Variants in SUGCT observed in about 807,000 individuals in gnomAD.
SUGCT encodes succinyl-CoA:glutarate-CoA transferase.
SUGCT carries 41 observed loss-of-function variants against 55.0 expected under a neutral mutation model. That is an observed-to-expected ratio of 0.74 (90% CI 0.58 to 0.97). The LOEUF (loss-of-function observed/expected upper bound fraction) is 0.97, where lower values mean the gene tolerates loss of function less well. Ranked by LOEUF, SUGCT falls within the 50% of genes least tolerant of loss-of-function variation. The pLI, the probability that SUGCT is intolerant of heterozygous loss-of-function variation, is 0.00. For missense variants in SUGCT, 568 were observed against 547.8 expected (o/e 1.04, Z -0.37); for synonymous variants, 187 against 200.4 (o/e 0.93, Z 0.56).
chr7:40,188,758 T>TA lies in SUGCT; in HGVS notation c.312+179dup, dbSNP rs547306121. On this transcript the variant is annotated intron_variant, in intron 4 of 13. Transcript: ENST00000335693. ...ACTAAGTAGAAATAATGGAGCTTTTTACTACTCTTTCTTACCTACTAAGTA... is the reference window on the plus strand; with the variant it reads ...ACTAAGTAGAAATAATGGAGCTTTTTAACTACTCTTTCTTACCTACTAAGTA... 2.3e-3 allele frequency among the ~76,000 whole-genome samples: 356 copies of TA among 152,318 alleles called. 1 individual carries two copies. The highest frequency in any genetic ancestry group is 4.3e-3 in the Non-Finnish European group (295 of 68,026).
rs558672136 is a variant in SUGCT, at chr7:40,756,745, A to G, written c.1153+7248A>G. 2.0e-5 allele frequency among the ~76,000 whole-genome samples: 3 copies of G among 152,312 alleles called. 1 individual carries two copies. In the East Asian group the frequency reaches 5.8e-4, roughly 29 times the overall value. ...GAATTCTGTGTAAAACCAATGTGAA[A>G]ATGAAAGGTGAGATAAGTTATTTCT... is the stretch of plus-strand genomic sequence containing the variant. On this transcript the variant is annotated intron_variant, in intron 13 of 13. Coordinates refer to ENST00000335693, the MANE Select transcript of SUGCT (RefSeq NM_001193313.2).
At chr7:40,869,516 CT>C in the SUGCT span, among the ~76,000 whole-genome samples, 1 of 152,188 alleles carries the variant, frequency 6.6e-6, no homozygotes, top group South Asian at 2.1e-4. Context: ...GCCAAGCCAG[CT>C]TGATTTCAGT....
At chr7:40,734,529 G>C (rs1787059658) in intron 12 of SUGCT, among the ~76,000 whole-genome samples, 1 of 152,154 alleles carries the variant, frequency 6.6e-6, no homozygotes, top group South Asian at 2.1e-4. Context: ...TATTAGGCAA[G>C]TGTCAAGTAT....
chr7:40,568,677 C>T (rs963043734), intron 12 of SUGCT, among the ~76,000 whole-genome samples: 29 of 152,160 alleles, frequency 1.9e-4, no homozygotes, highest in Middle Eastern at 3.4e-3. Flanking sequence ...TGCTATGGCT[C>T]TTGGGAAACC....
At chr7:40,328,135 C>A (rs1796108955) in intron 9 of SUGCT, among the ~76,000 whole-genome samples, 1 of 152,152 alleles carries the variant, frequency 6.6e-6, no homozygotes, top group African/African-American at 2.4e-5. Flanking sequence ...TACATAATTT[C>A]CCCTTTAGGA....
the SUGCT span, chr7:40,966,212 G>T: frequency 6.6e-6 from 1 of 152,154 alleles, no homozygotes; most frequent in African/African-American, 2.4e-5. Flanking sequence ...AAAACTAAAT[G>T]GAACAACAGA....
At chr7:40,704,419 A>G (rs1254643924) in intron 12 of SUGCT, among the ~76,000 whole-genome samples, 1 of 152,152 alleles carries the variant, frequency 6.6e-6, no homozygotes, top group East Asian at 1.9e-4. Flanking sequence ...AATAAGACCC[A>G]TATTAGAAGG....
At chr7:40,175,972 C>G (rs1040026397) in intron 1 of SUGCT, among the ~76,000 whole-genome samples, 1 of 152,148 alleles carries the variant, frequency 6.6e-6, no homozygotes, top group Middle Eastern at 3.4e-3. Context: ...TGGCTCATGC[C>G]GGTAATGCCA....
chr7:40,989,681 G>GA, the SUGCT span, among the ~76,000 whole-genome samples: 1 of 152,048 alleles, frequency 6.6e-6, no homozygotes, highest in African/African-American at 2.4e-5. Flanking sequence ...TGAGGCAGAA[G>GA]AATCGCTGGA....
chr7:40,500,227 G>C (rs1792203551), intron 12 of SUGCT, among the ~76,000 whole-genome samples: 1 of 152,124 alleles, frequency 6.6e-6, no homozygotes. Context: ...CTGAGGGTAG[G>C]GAAGAGAGGG....
chr7:40,691,307 A>G (rs1250453088), intron 12 of SUGCT, among the ~76,000 whole-genome samples: 3 of 151,464 alleles, frequency 2.0e-5, no homozygotes, highest in Non-Finnish European at 4.4e-5. Flanking sequence ...TTTATGTGAG[A>G]AACTTTTTTT....
At chr7:40,619,548 A>G (rs1317077921) in intron 12 of SUGCT, among the ~76,000 whole-genome samples, 3 of 152,190 alleles carry the variant, frequency 2.0e-5, no homozygotes, top group Admixed American at 2.0e-4. Flanking sequence ...GTTTTTATAT[A>G]TTAATAATGC....
chr7:40,414,678 G>A (rs1786873089), intron 9 of SUGCT, among the ~76,000 whole-genome samples: 2 of 151,984 alleles, frequency 1.3e-5, no homozygotes, highest in South Asian at 2.1e-4. Flanking sequence ...AGGCCAGGGC[G>A]GGCAGACCAC....
chr7:40,823,618 G>A (rs1792144002), intron 13 of SUGCT, among the ~76,000 whole-genome samples: 1 of 151,998 alleles, frequency 6.6e-6, no homozygotes, highest in South Asian at 2.1e-4. Flanking sequence ...AAGCATTTGG[G>A]ATGTGCATTT....
the SUGCT span, among the ~76,000 whole-genome samples, chr7:41,036,565 T>C: frequency 1.2e-4 from 19 of 152,098 alleles, no homozygotes; most frequent in Non-Finnish European, 5.9e-5. Context: ...TCAGCCCCTC[T>C]CCCTCTTTTC....
At chr7:40,637,133 C>A (rs929985188) in intron 12 of SUGCT, among the ~76,000 whole-genome samples, 1 of 152,164 alleles carries the variant, frequency 6.6e-6, no homozygotes, top group Non-Finnish European at 1.5e-5. Flanking sequence ...TTGATGAACT[C>A]ATAATTTTGT....
intron 13 of SUGCT, among the ~76,000 whole-genome samples, chr7:40,807,093 A>C (rs2128754175): frequency 6.6e-6 from 1 of 152,368 alleles, no homozygotes; most frequent in Admixed American, 6.5e-5. Context: ...CAGTAGTGTT[A>C]GTAGTGGTAG....
chr7:40,624,033 A>G (rs1018910303), intron 12 of SUGCT, among the ~76,000 whole-genome samples: 1 of 152,212 alleles, frequency 6.6e-6, no homozygotes, highest in Non-Finnish European at 1.5e-5. Flanking sequence ...AATCAAATGG[A>G]CATGCGTTAA....
intron 3 of SUGCT, among the ~76,000 whole-genome samples, chr7:40,183,490 C>T (rs1243992757): frequency 6.6e-6 from 1 of 152,098 alleles, no homozygotes; most frequent in Non-Finnish European, 1.5e-5. Flanking sequence ...CAGGCATGTA[C>T]CACCATGCCC....
Sources: allele counts gnomAD v4.1 joint callset (sites outside exome capture counted in the v4.1 genomes callset), GRCh38; gene constraint gnomAD v4.1.1; transcripts MANE v1.5; gene names NCBI Gene and HGNC (gene_info 2026-07-23, HGNC 2026-07-21).